The following CNTNAP2 variants were observed in gnomAD, a reference collection of about 807,000 sequenced individuals.
The protein encoded by CNTNAP2 is contactin-associated protein-like 2.
In CNTNAP2, 98 loss-of-function variants were observed where a neutral mutation model predicts 155.2. The observed-to-expected ratio is 0.63, with a 90% CI of 0.54 to 0.75. CNTNAP2 has a LOEUF of 0.75. Ranked by LOEUF, CNTNAP2 falls within the 30% of genes least tolerant of loss-of-function variation. The pLI, the probability that CNTNAP2 is intolerant of heterozygous loss-of-function variation, is 0.00. For synonymous variants in CNTNAP2, 651 were observed against 631.2 expected (o/e 1.03, Z -0.47); for missense variants, 1,727 against 1,688.1 (o/e 1.02, Z -0.40).
At chr7:146,649,366 G>A (rs556023601) in intron 1 of CNTNAP2, among the ~76,000 whole-genome samples, 4 of 152,082 alleles carry the variant, frequency 2.6e-5, no homozygotes, top group Admixed American at 6.6e-5. Flanking sequence ...CTTTTTACTG[G>A]GTGTGATGAA....
intron 20 of CNTNAP2, among the ~76,000 whole-genome samples, chr7:148,259,355 CAA>C (rs1211859755): frequency 3.9e-4 from 49 of 124,814 alleles, no homozygotes; most frequent in Admixed American, 5.9e-4. Flanking sequence ...GACCCTGCCT[CAA>C]AAAAAAAAAA....
At chr7:146,694,995 T>G (rs919755550) in intron 1 of CNTNAP2, among the ~76,000 whole-genome samples, 1 of 152,202 alleles carries the variant, frequency 6.6e-6, no homozygotes, top group Non-Finnish European at 1.5e-5. Flanking sequence ...TTGTTGATTC[T>G]TTGGAATTTT....
intron 13 of CNTNAP2, among the ~76,000 whole-genome samples, chr7:147,640,888 T>C (rs1795262767): frequency 1.3e-5 from 2 of 152,112 alleles, no homozygotes; most frequent in Non-Finnish European, 1.5e-5. Context: ...GCTCAGGGAA[T>C]TGGTTTGACC....
intron 1 of CNTNAP2, among the ~76,000 whole-genome samples, chr7:146,767,046 A>C (rs568388598): frequency 6.6e-6 from 1 of 152,332 alleles, no homozygotes; most frequent in African/African-American, 2.4e-5. Flanking sequence ...TTTCATTCCA[A>C]TTCCATTATC....
At chr7:148,287,291 AT>A (rs1797099610) in intron 21 of CNTNAP2, among the ~76,000 whole-genome samples, 1 of 152,194 alleles carries the variant, frequency 6.6e-6, no homozygotes, top group South Asian at 2.1e-4. Context: ...TTTCAGCCTT[AT>A]TTTTGTAAGG....
At chr7:146,264,456 TA>T (rs912567038) in intron 1 of CNTNAP2, among the ~76,000 whole-genome samples, 16 of 136,288 alleles carry the variant, frequency 1.2e-4, no homozygotes, top group South Asian at 2.3e-4. Context: ...ATCTGAAAAA[TA>T]AAAAAAAAAG....
chr7:146,232,283 T>C (rs1365666025), intron 1 of CNTNAP2, among the ~76,000 whole-genome samples: 1 of 93,010 alleles, frequency 1.1e-5, no homozygotes, highest in Non-Finnish European at 2.0e-5. Flanking sequence ...GTTTGTGTAA[T>C]TTTATATATT....
chr7:148,102,506 G>A (rs1446279839), intron 15 of CNTNAP2, among the ~76,000 whole-genome samples: 2 of 152,126 alleles, frequency 1.3e-5, no homozygotes, highest in East Asian at 3.8e-4. Flanking sequence ...GGGATTGCTG[G>A]GTTGAATGCA....
chr7:146,894,801 A>G (rs1795844057), intron 3 of CNTNAP2, among the ~76,000 whole-genome samples: 1 of 152,132 alleles, frequency 6.6e-6, no homozygotes. Context: ...CATACAATCG[A>G]TATCCAATAA....
intron 18 of CNTNAP2, among the ~76,000 whole-genome samples, chr7:148,197,650 A>G (rs781062352): frequency 2.6e-5 from 4 of 152,236 alleles, no homozygotes; most frequent in African/African-American, 7.2e-5. Flanking sequence ...CCAATGACCC[A>G]CACATACACA....
chr7:146,236,408 G>A (rs1799474201), intron 1 of CNTNAP2, among the ~76,000 whole-genome samples: 1 of 151,994 alleles, frequency 6.6e-6, no homozygotes, highest in Admixed American at 6.6e-5. Context: ...ATAAATAAGA[G>A]TTCTAATTTA....
At chr7:146,296,487 G>A (rs1800516855) in intron 1 of CNTNAP2, among the ~76,000 whole-genome samples, 1 of 152,118 alleles carries the variant, frequency 6.6e-6, no homozygotes, top group African/African-American at 2.4e-5. Context: ...GGTTACAAAA[G>A]CAGAATTTTC....
intron 3 of CNTNAP2, among the ~76,000 whole-genome samples, chr7:147,005,379 T>C (rs1345834309): frequency 6.6e-6 from 1 of 152,070 alleles, no homozygotes; most frequent in African/African-American, 2.4e-5. Flanking sequence ...AAAAGTATTG[T>C]AGAGAAGGAA....
intron 3 of CNTNAP2, among the ~76,000 whole-genome samples, chr7:146,981,874 G>A (rs555213593): frequency 6.6e-6 from 1 of 152,270 alleles, no homozygotes; most frequent in South Asian, 2.1e-4. Context: ...AAAAGGGCCG[G>A]ACAGTGAATA....
chr7:147,178,533 G>A (rs1394693851), intron 8 of CNTNAP2, among the ~76,000 whole-genome samples: 2 of 152,136 alleles, frequency 1.3e-5, no homozygotes, highest in Non-Finnish European at 2.9e-5. Context: ...TTTTGTAGTA[G>A]TATAACATTC....
chr7:148,015,157 G>A (rs35100395), intron 15 of CNTNAP2, among the ~76,000 whole-genome samples: 5,997 of 152,190 alleles, frequency 0.039, 241 homozygotes, highest in East Asian at 0.24. Flanking sequence ...CTGTCCATAA[G>A]CATGAAGGAA....
chr7:147,676,876 T>C (rs1795876603), intron 13 of CNTNAP2, among the ~76,000 whole-genome samples: 1 of 151,986 alleles, frequency 6.6e-6, no homozygotes, highest in Admixed American at 6.6e-5. Flanking sequence ...AGTATTCCAC[T>C]GTGTATACAT....
chr7:146,119,176 G>A (rs1457881090), intron 1 of CNTNAP2, among the ~76,000 whole-genome samples: 1 of 152,028 alleles, frequency 6.6e-6, no homozygotes, highest in Non-Finnish European at 1.5e-5. Flanking sequence ...ACCAGGAGAG[G>A]TCATCACAAG....
chr7:146,998,565 T>A (rs1051029046), intron 3 of CNTNAP2, among the ~76,000 whole-genome samples: 15 of 152,088 alleles, frequency 9.9e-5, no homozygotes, highest in African/African-American at 3.4e-4. Context: ...AGTAGGACAG[T>A]TTCAACATGA....
Sources: allele counts gnomAD v4.1 joint callset (sites outside exome capture counted in the v4.1 genomes callset), GRCh38; gene constraint gnomAD v4.1.1; transcripts MANE v1.5; gene names NCBI Gene and HGNC (gene_info 2026-07-23, HGNC 2026-07-21).